The following DELE1 variants were observed in gnomAD, a reference collection of about 807,000 sequenced individuals.
DELE1 encodes the protein death ligand signal enhancer.
DELE1 carries 54 observed loss-of-function variants against 59.3 expected under a neutral mutation model. The observed-to-expected ratio is 0.91, with a 90% CI of 0.73 to 1.14. The LOEUF (loss-of-function observed/expected upper bound fraction) is 1.14. Among genes scored for constraint, DELE1 ranks in the 50% most tolerant of loss-of-function variants. DELE1 has a pLI of 0.00. For missense variants in DELE1, 636 were observed against 643.9 expected (o/e 0.99, Z 0.13); for synonymous variants, 264 against 259.1 (o/e 1.02, Z -0.18).
chr5:141,937,509 G>T, intron 11 of DELE1, 152 bp downstream of exon 11: 1 of 852,986 alleles, frequency 1.2e-6, no homozygotes, highest in Non-Finnish European at 1.8e-6. Flanking sequence ...GGTGGCTCAC[G>T]CCTGTAATCC....
intron 11 of DELE1, 103 bp downstream of exon 11, chr5:141,937,460 C>T: frequency 1.5e-6 from 2 of 1,354,266 alleles, no homozygotes; most frequent in East Asian, 2.3e-5. Context: ...CATTTCCAAC[C>T]CCAGTGGTGG....
In DELE1 at chr5:141,933,329, C is replaced by T. The variant is rs140562378; in HGVS notation, c.825C>T (p.Gly275=). ...ACTTCCAGAAAGCTGCAGCCCGCGG[C>T]TACAGCAAAGCGCAGTACAATGCGG... ...FSYFQKAAAR[G]YSKAQYNAGL... Residue 275 remains glycine (G), a synonymous_variant, in exon 8 of 12, where the codon GGC becomes GGT. Coordinates refer to ENST00000432126, the MANE Select transcript of DELE1 (RefSeq NM_014773.5). 5 of 1,568,236 alleles carry T rather than the reference C, an allele frequency of 3.2e-6. No homozygotes were observed. In the Middle Eastern group the frequency reaches 5.2e-4, roughly 162 times the overall value.
In DELE1 at chr5:141,927,407, T is replaced by C. The variant is rs550889032; in HGVS notation, c.265-744T>C. ...TGGAACAGAGTTTCTCCATGTTGGC[T>C]GGTCTTCAACTCCTGGCCTCAAGTG... On this transcript the variant is annotated intron_variant, in intron 3 of 11. Coordinates refer to ENST00000432126, the MANE Select transcript of DELE1 (RefSeq NM_014773.5). 4.6e-5 allele frequency among the ~76,000 whole-genome samples: 7 copies of C among 152,296 alleles called. No individual in the cohort carries two copies. The East Asian group carries it at 1.4e-3, about 29-fold the overall frequency.
At position 141,923,948 on chromosome 5, in the gene DELE1, C is replaced by T; in HGVS notation, c.7C>T (p.Arg3Cys). MW[R>C]LPGLLGRALP... ...CTGTGGTGCTGGCAGCGACATGTGG[C>T]GCCTCCCGGGACTCCTGGGCCGAGG... Residue 3 changes from arginine to cysteine, a missense_variant, in exon 1 of 12, where the codon CGC (arginine) becomes TGC (cysteine). Arg to Cys is a radical substitution (Grantham distance 180, BLOSUM62 -3). Transcript: ENST00000432126. The T allele has an allele frequency of 6.2e-7, 1 of 1,608,460 alleles. No individual in the cohort carries two copies. Among genetic ancestry groups the T allele is most frequent in the Non-Finnish European group, 8.5e-7 (1 of 1,177,716 alleles).
chr5:141,938,994 T>C lies in DELE1; in HGVS notation c.*235T>C. 7.4e-7 allele frequency: 1 copy of C among 1,349,006 alleles called. No individual in the cohort carries two copies. The allele number at this position is 1,349,006 out of a possible 1,614,324, so 83.6% of individuals were successfully genotyped here. A position where few individuals can be genotyped will look rare whatever the true frequency, so the allele number is the denominator to read the frequency against. On this transcript the variant is annotated 3_prime_UTR_variant, in exon 12 of 12. Coordinates refer to ENST00000432126, the MANE Select transcript of DELE1 (RefSeq NM_014773.5). ...CATTTCTGGTCTGTGCACCAAAGGA[T>C]GCATTCAGTGACCTATGAAAAACCC... is the stretch of plus-strand genomic sequence containing the variant.
At chr5:141,925,998 G>A (rs896057210) in intron 3 of DELE1, among the ~76,000 whole-genome samples, 12 of 151,988 alleles carry the variant, frequency 7.9e-5, no homozygotes, top group African/African-American at 2.9e-4. Context: ...TCCTGCTTCA[G>A]CCTCCCAAGT....
At chr5:141,933,895 C>A (rs1234334518) in intron 8 of DELE1, 1 of 182,028 alleles carries the variant, frequency 5.5e-6, no homozygotes, top group African/African-American at 2.4e-5. Context: ...ATAGAGTGAT[C>A]TAAGTCTCTC....
chr5:141,937,071 A>G (rs1210662637), intron 10 of DELE1, 127 bp from the exon 11 acceptor site: 2 of 1,535,804 alleles, frequency 1.3e-6, no homozygotes, highest in Non-Finnish European at 1.8e-6. Flanking sequence ...GGGGCGGGCC[A>G]GGACTGGGCC....
intron 4 of DELE1, 151 bp from the exon 5 acceptor site, chr5:141,929,431 G>A: frequency 1.3e-6 from 1 of 741,578 alleles, no homozygotes; most frequent in Non-Finnish European, 2.2e-6. Flanking sequence ...TGTATTTTTA[G>A]TACAGATGGG....
At chr5:141,932,433 C>CTGG (rs1364094770) in intron 7 of DELE1, among the ~76,000 whole-genome samples, 1 of 152,204 alleles carries the variant, frequency 6.6e-6, no homozygotes, top group African/African-American at 2.4e-5. Context: ...TAAACCCACT[C>CTGG]TGGCTAACTT....
In DELE1 at chr5:141,938,756, CTAAGGT is replaced by C; in HGVS notation, c.1546_*3del. 1 of 1,610,152 alleles carries C rather than the reference CTAAGGT, an allele frequency of 6.2e-7. No homozygotes were observed. Among genetic ancestry groups the C allele is most frequent in the Non-Finnish European group, 8.5e-7 (1 of 1,177,812 alleles). ...GGAGTGTTGTAAGACTAGGTTTTGG[CTAAGGT>C]GAGATAAAACATAGTCCCTGGTGCC... On this transcript the variant is annotated stop_lost and 3_prime_UTR_variant, in exon 12 of 12. Transcript: ENST00000432126.
intron 4 of DELE1, among the ~76,000 whole-genome samples, chr5:141,929,128 A>G (rs1751667078): frequency 6.6e-6 from 1 of 152,136 alleles, no homozygotes; most frequent in African/African-American, 2.4e-5. Context: ...AAGGAAACAG[A>G]GGAGGAGGAG....
intron 10 of DELE1, 32 bp downstream of exon 10, chr5:141,934,618 G>C (rs768550429): frequency 1.5e-5 from 24 of 1,590,916 alleles, no homozygotes; most frequent in Non-Finnish European, 2.1e-5. Context: ...GCATGTTGGG[G>C]ATGAAGCCTG....
At chr5:141,927,790 C>T (rs149587248) in intron 3 of DELE1, among the ~76,000 whole-genome samples, 292 of 152,270 alleles carry the variant, frequency 1.9e-3, no homozygotes, top group African/African-American at 6.7e-3. Context: ...GCTTAGTCTT[C>T]GCTTATTTAG....
In DELE1 at chr5:141,940,807, A is replaced by G. The variant is rs180926963; in HGVS notation, c.*2048A>G. 216 of 985,214 alleles carry G rather than the reference A, an allele frequency of 2.2e-4. 1 individual carries two copies. In the African/African-American group the frequency reaches 3.4e-3, roughly 16 times the overall value. The allele number at this position is 985,214 out of a possible 1,614,324, so 61.0% of individuals were successfully genotyped here. On this transcript the variant is annotated 3_prime_UTR_variant, in exon 12 of 12. Coordinates refer to ENST00000432126, the MANE Select transcript of DELE1 (RefSeq NM_014773.5). ...TGCAAGGCCCCATGCAGGGTAGGAAACCTGAGGTTTCAAGCTCAGGGTTTT... is the reference window on the plus strand; with the variant it reads ...TGCAAGGCCCCATGCAGGGTAGGAAGCCTGAGGTTTCAAGCTCAGGGTTTT...
chr5:141,933,105 A>T (rs1288192814), intron 7 of DELE1, among the ~76,000 whole-genome samples, 154 bp from the exon 8 acceptor site: 2 of 139,238 alleles, frequency 1.4e-5, no homozygotes, highest in African/African-American at 5.6e-5. Flanking sequence ...AAAAAAAAAA[A>T]AAAAAAATAT....
At position 141,929,633 on chromosome 5, in the gene DELE1, C is replaced by T. The variant is rs1751728121; in HGVS notation, c.464C>T (p.Thr155Ile). Residue 155 changes from threonine (T) to isoleucine (I), a missense_variant, in exon 5 of 12, where the codon ACT becomes ATT. Physicochemically the swap from Thr to Ile is moderately conservative, Grantham distance 89. Coordinates refer to ENST00000432126, the MANE Select transcript of DELE1 (RefSeq NM_014773.5). ...CCCGATGGCCCAGCTCCCAGGCACA[C>T]TGGCCTCAGGGAACCCAGGCTTGGC... ...PSPDGPAPRH[T>I]GLREPRLGQE... is the part of the protein sequence containing the mutation. 1 of 1,614,208 alleles carries T rather than the reference C, an allele frequency of 6.2e-7. No individual in the cohort carries two copies. Among genetic ancestry groups the T allele is most frequent in the Non-Finnish European group, 8.5e-7 (1 of 1,180,052 alleles).
chr5:141,929,304 A>G (rs928566878), intron 4 of DELE1, among the ~76,000 whole-genome samples: 1 of 151,916 alleles, frequency 6.6e-6, no homozygotes, highest in African/African-American at 2.4e-5. Flanking sequence ...GCTGGAGTGC[A>G]GTGGTGTGAT....
chr5:141,925,850 T>A (rs77710362), intron 3 of DELE1, among the ~76,000 whole-genome samples: 13 of 23,614 alleles, frequency 5.5e-4, no homozygotes, highest in Admixed American at 1.7e-3. Flanking sequence ...ACATTGCATC[T>A]TTTTTTTATT....
Sources: allele counts gnomAD v4.1 joint callset (sites outside exome capture counted in the v4.1 genomes callset), GRCh38; gene constraint gnomAD v4.1.1; transcripts MANE v1.5; gene names NCBI Gene and HGNC (gene_info 2026-07-23, HGNC 2026-07-21).